The following ENAH variants were observed in gnomAD, a reference collection of about 807,000 sequenced individuals.
The protein encoded by ENAH is ENAH actin regulator.
In ENAH, 23 loss-of-function variants were observed where a neutral mutation model predicts 78.7. The ratio of observed to expected loss-of-function variants is 0.29; its 90% confidence interval spans 0.21 to 0.41. ENAH has a LOEUF of 0.41. ENAH is among the 10% of genes least tolerant of loss of function. ENAH has a pLI of 1.00. For missense variants in ENAH, 544 were observed against 691.0 expected (o/e 0.79, Z 2.39); for synonymous variants, 226 against 241.0 (o/e 0.94, Z 0.58).
chr1:225,524,185 A>G (rs2096489285), intron 4 of ENAH, among the ~76,000 whole-genome samples: 1 of 152,230 alleles, frequency 6.6e-6, no homozygotes, highest in South Asian at 2.1e-4. Flanking sequence ...AAATAGATGC[A>G]CAAAGCATCA....
intron 7 of ENAH, 151 bp from the exon 8 acceptor site, chr1:225,513,167 G>T: frequency 3.1e-6 from 2 of 651,632 alleles, no homozygotes; most frequent in Non-Finnish European, 4.9e-6. Context: ...TAGATTCTTA[G>T]CATGACTTTA....
chr1:225,566,564 T>C (rs556223084), intron 2 of ENAH, among the ~76,000 whole-genome samples: 1 of 152,330 alleles, frequency 6.6e-6, no homozygotes, highest in South Asian at 2.1e-4. Context: ...GGTAAATATT[T>C]TTTCCCAAAG....
chr1:225,585,423 G>A (rs1393792964), intron 1 of ENAH, among the ~76,000 whole-genome samples: 1 of 151,990 alleles, frequency 6.6e-6, no homozygotes, highest in Non-Finnish European at 1.5e-5. Flanking sequence ...CATAATAACT[G>A]CAGAATACAC....
At chr1:225,610,027 C>T (rs2096979827) in intron 1 of ENAH, among the ~76,000 whole-genome samples, 1 of 151,790 alleles carries the variant, frequency 6.6e-6, no homozygotes, top group African/African-American at 2.4e-5. Flanking sequence ...TACATGTATA[C>T]CACATGATAA....
intron 1 of ENAH, among the ~76,000 whole-genome samples, chr1:225,643,722 G>C (rs1223461912): frequency 6.6e-6 from 1 of 152,134 alleles, no homozygotes; most frequent in Admixed American, 6.6e-5. Context: ...GATGACTTGA[G>C]GCCAGGAGTT....
intron 3 of ENAH, among the ~76,000 whole-genome samples, chr1:225,552,614 CAGAA>C: frequency 6.6e-6 from 1 of 152,138 alleles, no homozygotes; most frequent in East Asian, 1.9e-4. Flanking sequence ...TGAAAAACTA[CAGAA>C]CTAAAAGCTT....
chr1:225,590,645 C>T (rs1252908942), intron 1 of ENAH, among the ~76,000 whole-genome samples: 2 of 152,028 alleles, frequency 1.3e-5, no homozygotes, highest in Non-Finnish European at 2.9e-5. Flanking sequence ...CTGTCTGGCC[C>T]GAGCTAGAAA....
chr1:225,549,393 C>T (rs528220829), intron 3 of ENAH, among the ~76,000 whole-genome samples: 7 of 152,228 alleles, frequency 4.6e-5, no homozygotes, highest in African/African-American at 1.7e-4. Context: ...GTTAACAGGA[C>T]CATCTTTACC....
At position 225,582,857 on chromosome 1, in the gene ENAH, C is replaced by T. The variant is rs34069911; in HGVS notation, c.6-15443G>A. On this transcript the variant is annotated intron_variant, in intron 1 of 13. Coordinates refer to ENST00000366843, the MANE Select transcript of ENAH (RefSeq NM_018212.6). ...TGTAAGAGTCTGGGACAACTCCCCA[C>T]TCTCCGCAAAAAAGAGCAAAGCATA... Among the ~76,000 whole-genome samples the T allele has an allele frequency of 5.8e-3, 882 of 152,212 alleles. 6 individuals carry two copies. The highest frequency in any genetic ancestry group is 0.01 in the Non-Finnish European group (681 of 67,996).
intron 3 of ENAH, among the ~76,000 whole-genome samples, chr1:225,554,608 T>G (rs1449629746): frequency 6.6e-6 from 1 of 152,192 alleles, no homozygotes; most frequent in Non-Finnish European, 1.5e-5. Flanking sequence ...AACGGAAGTG[T>G]TTCTAAAGCA....
intron 1 of ENAH, among the ~76,000 whole-genome samples, chr1:225,615,872 T>C (rs1246224544): frequency 7.6e-6 from 1 of 131,422 alleles, no homozygotes; most frequent in African/African-American, 4.5e-5. Flanking sequence ...ACGATGGCGG[T>C]TTTGTCGAAT....
At chr1:225,591,429 T>C (rs533482263) in intron 1 of ENAH, among the ~76,000 whole-genome samples, 95 of 145,224 alleles carry the variant, frequency 6.5e-4, no homozygotes, top group Middle Eastern at 7.9e-3. Flanking sequence ...GACTGCGCCA[T>C]TGCACTCCAG....
chr1:225,538,227 A>G (rs1032730310), intron 3 of ENAH, among the ~76,000 whole-genome samples: 15 of 152,102 alleles, frequency 9.9e-5, no homozygotes, highest in Non-Finnish European at 8.8e-5. Flanking sequence ...TACGCAATAC[A>G]TTTTTGAGAC....
chr1:225,513,032 C>T lies in ENAH; in HGVS notation c.1219-16G>A. The T allele has an allele frequency of 6.3e-7, 1 of 1,587,800 alleles. No homozygotes were observed. Among genetic ancestry groups the T allele is most frequent in the Non-Finnish European group, 8.6e-7 (1 of 1,168,868 alleles). On this transcript the variant is annotated splice_polypyrimidine_tract_variant and intron_variant, in intron 7 of 13. Coordinates refer to ENST00000366843, the MANE Select transcript of ENAH (RefSeq NM_018212.6). ...TATCCTCCATCTTAATGAGAATATA[C>T]AGACATAATCAACTCCTATGTTAGA...
At chr1:225,551,801 G>A (rs1167728293) in intron 3 of ENAH, among the ~76,000 whole-genome samples, 1 of 152,146 alleles carries the variant, frequency 6.6e-6, no homozygotes, top group Non-Finnish European at 1.5e-5. Context: ...AAACAGGCAA[G>A]ACTAATATTT....
intron 1 of ENAH, among the ~76,000 whole-genome samples, chr1:225,588,801 C>CAAAAAAAAAAAAAAAAAAAAAAA (rs55962047): frequency 1.3e-5 from 1 of 78,426 alleles, no homozygotes; most frequent in Admixed American, 1.3e-4. Flanking sequence ...AAGTCTGTGT[C>CAAAAAAAAAAAAAAAAAAAAAAA]AAAAAAAAAA....
Position 225,495,197 on chromosome 1 carries a change from G to C in ENAH, c.*2578C>G, listed in dbSNP as rs2096243567. ...AGCAGTGCCTTCCTGTCATTAGAAA[G>C]GATCCCCTAAACTGTACTCAGCTTA... is the stretch of plus-strand genomic sequence containing the variant. On this transcript the variant is annotated 3_prime_UTR_variant, in exon 14 of 14. Transcript: ENST00000366843. 1 of 152,524 alleles carries C rather than the reference G, an allele frequency of 6.6e-6. No homozygotes were observed. The highest frequency in any genetic ancestry group is 2.4e-5 in the African/African-American group (1 of 41,404). The allele number at this position is 152,524 out of a possible 1,614,324, so 9.4% of individuals were successfully genotyped here. A position where few individuals can be genotyped will look rare whatever the true frequency, so the allele number is the denominator to read the frequency against.
intron 1 of ENAH, among the ~76,000 whole-genome samples, chr1:225,593,670 C>G (rs1370740994): frequency 6.6e-6 from 1 of 152,160 alleles, no homozygotes; most frequent in Non-Finnish European, 1.5e-5. Context: ...AATTTTAGCA[C>G]AGCCATAACC....
intron 6 of ENAH, among the ~76,000 whole-genome samples, chr1:225,516,881 CAA>C (rs537786721): frequency 2.6e-5 from 3 of 114,092 alleles, no homozygotes; most frequent in Admixed American, 8.8e-5. Flanking sequence ...CTCAAAAAAA[CAA>C]AAAAAAAAAA....
Sources: allele counts gnomAD v4.1 joint callset (sites outside exome capture counted in the v4.1 genomes callset), GRCh38; gene constraint gnomAD v4.1.1; transcripts MANE v1.5; gene names NCBI Gene and HGNC (gene_info 2026-07-23, HGNC 2026-07-21).